SLC4A3: variants seen among roughly 807,000 people sequenced by gnomAD.
SLC4A3 encodes anion exchange protein 3.
Under a neutral mutation model 114.2 loss-of-function variants are expected in SLC4A3, and 47 were observed. That is an observed-to-expected ratio of 0.41 (90% CI 0.33 to 0.52). The LOEUF (loss-of-function observed/expected upper bound fraction) is 0.52. Ranked by LOEUF, SLC4A3 falls within the 20% of genes least tolerant of loss-of-function variation. The probability of loss-of-function intolerance (pLI) is 0.21; values close to 1 mark genes in which losing one functional copy is unlikely to be tolerated. For synonymous variants in SLC4A3, 693 were observed against 710.3 expected, an observed-to-expected ratio of 0.98 and a Z score of 0.39; for missense variants, 1,312 against 1,668.3, an observed-to-expected ratio of 0.79 and a Z score of 3.72.
Position 219,641,564 on chromosome 2 carries a change from G to C in SLC4A3, c.3622-87G>C, listed in dbSNP as rs1247178980. 2 of 1,059,938 alleles carry C rather than the reference G, an allele frequency of 1.9e-6. No homozygotes were observed. The highest frequency in any genetic ancestry group is 3.1e-5 in the African/African-American group (2 of 64,246). 65.7% of individuals were successfully genotyped at this position (1,059,938 alleles called of 1,614,324 possible). A position where few individuals can be genotyped will look rare whatever the true frequency, so the allele number is the denominator to read the frequency against. On this transcript the variant is annotated intron_variant, in intron 22 of 22. Coordinates refer to ENST00000358055, the MANE Select transcript of SLC4A3 (RefSeq NM_005070.4). This position sits in a 1 kb window ranked among gnomAD's most constrained non-coding sequence, Gnocchi z 4.0. Reference sequence around the variant, plus strand: ...GGCCCAGGAAAGGTCAGGGAGCAGGGAGGGCTGCAGGTTGGAGGAGGAGCT... The same window carrying C: ...GGCCCAGGAAAGGTCAGGGAGCAGGCAGGGCTGCAGGTTGGAGGAGGAGCT...
Position 219,636,800 on chromosome 2 carries a change from C to A in SLC4A3, c.2461C>A (p.Pro821Thr), listed in dbSNP as rs772144835. The A allele has an allele frequency of 1.2e-6, 2 of 1,614,114 alleles. No homozygotes were observed. Among genetic ancestry groups the A allele is most frequent in the Non-Finnish European group, 1.7e-6 (2 of 1,179,994 alleles). Residue 821 changes from proline to threonine, a missense_variant, in exon 16 of 23, where the codon CCT becomes ACT. This residue lies in a region of SLC4A3 where 771 missense variants were observed against 977.7 expected (regional missense o/e 0.79). Coordinates refer to ENST00000358055, the MANE Select transcript of SLC4A3 (RefSeq NM_005070.4). The surrounding 1 kb of genome is among the most constrained non-coding windows in gnomAD (Gnocchi z 5.5). ...CAGCTTCCTGGTCCGCTACATCTCG[C>A]CTTTCACCCAGGAGATCTTTGCCTT... Reference protein sequence around the residue: ...EGSFLVRYISPFTQEIFAFLI... With the variant: ...EGSFLVRYISTFTQEIFAFLI...
intron 7 of SLC4A3, 46 bp downstream of exon 7, chr2:219,632,162 G>A (rs763134145): frequency 2.0e-5 from 32 of 1,606,676 alleles, no homozygotes; most frequent in Non-Finnish European, 2.6e-5. Context: ...CATGCCCCTC[G>A]GCCCCGGAGC....
At chr2:219,635,201 C>A in intron 12 of SLC4A3, 70 bp from the exon 13 acceptor site, 2 of 1,263,090 alleles carry the variant, frequency 1.6e-6, no homozygotes, top group East Asian at 2.3e-5. Flanking sequence ...ACCCAACACC[C>A]GCCTCAAGTC....
Position 219,641,905 on chromosome 2 carries a change from C to T in SLC4A3, c.*177C>T. The T allele has an allele frequency of 1.7e-6, 1 of 591,322 alleles. No homozygotes were observed. The highest frequency in any genetic ancestry group is 2.1e-5 in the South Asian group (1 of 48,314). 36.6% of individuals were successfully genotyped at this position (591,322 alleles called of 1,614,324 possible). A position where few individuals can be genotyped will look rare whatever the true frequency, so the allele number is the denominator to read the frequency against. Reference sequence around the variant, plus strand: ...ACTTCTGCCCGGGGTGTTGACCTCGCCTCACCTTTCACAGACCAGACCGGC... The same window carrying T: ...ACTTCTGCCCGGGGTGTTGACCTCGTCTCACCTTTCACAGACCAGACCGGC... On this transcript the variant is annotated 3_prime_UTR_variant, in exon 23 of 23. Coordinates refer to ENST00000358055, the MANE Select transcript of SLC4A3 (RefSeq NM_005070.4). The surrounding 1 kb of genome is among the most constrained non-coding windows in gnomAD (Gnocchi z 4.0).
rs1699304966 is a variant in SLC4A3, at chr2:219,640,872, C to T, written c.3531C>T (p.Ala1177=). 3 of 1,612,090 alleles carry T rather than the reference C, an allele frequency of 1.9e-6. No individual in the cohort carries two copies. Among genetic ancestry groups the T allele is most frequent in the Admixed American group, 1.7e-5 (1 of 60,002 alleles). ...ALLWVVKSTA[A]SLAFPFLLLL... is the part of the protein sequence containing the mutation. ...TCTGGGTGGTCAAGTCCACGGCGGC[C>T]TCACTCGCCTTTCCCTTCCTGCTGC... The change falls in exon 22 of 23, where the codon GCC becomes GCT. Residue 1177 remains alanine, a synonymous_variant. Coordinates refer to ENST00000358055, the MANE Select transcript of SLC4A3 (RefSeq NM_005070.4).
In SLC4A3 at chr2:219,639,733, T is replaced by A; in HGVS notation, c.3275T>A (p.Val1092Glu). 6.2e-7 allele frequency: 1 copy of A among 1,605,034 alleles called. No individual in the cohort carries two copies. Among genetic ancestry groups the A allele is most frequent in the Non-Finnish European group, 8.5e-7 (1 of 1,178,946 alleles). ...RVTGVLIASL[V>E]GLSIVMGAVL... ...ACTGGTGTGCTCATCGCCAGCCTCG[T>A]GGGTGAGAGCCCGCCTCCACCCTGC... Residue 1092 changes from valine to glutamate, a missense_variant and splice_region_variant, in exon 20 of 23, where the codon GTG becomes GAG. Around this residue, in one of 4 missense-constraint regions of SLC4A3, gnomAD observed 301 missense variants for 460.7 expected, o/e 0.65. Coordinates refer to ENST00000358055, the MANE Select transcript of SLC4A3 (RefSeq NM_005070.4). The surrounding 1 kb of genome is among the most constrained non-coding windows in gnomAD (Gnocchi z 5.9).
In SLC4A3 at chr2:219,637,833, A is replaced by G; in HGVS notation, c.2766+22A>G. ...CAAGGTGCGTGGCTGCTGGGTGTGG[A>G]GCCCCCAAGAGTCCCACAATTCCTG... On this transcript the variant is annotated intron_variant, in intron 17 of 22. Coordinates refer to ENST00000358055, the MANE Select transcript of SLC4A3 (RefSeq NM_005070.4). The surrounding 1 kb of genome is among the most constrained non-coding windows in gnomAD (Gnocchi z 4.6). The G allele has an allele frequency of 6.4e-7, 1 of 1,553,428 alleles. No individual in the cohort carries two copies. Among genetic ancestry groups the G allele is most frequent in the South Asian group, 1.1e-5 (1 of 89,844 alleles).
At position 219,631,910 on chromosome 2, in the gene SLC4A3, C is replaced by T. The variant is rs1311061963; in HGVS notation, c.812-58C>T. On this transcript the variant is annotated intron_variant, in intron 6 of 22. Transcript: ENST00000358055. The surrounding 1 kb of genome is among the most constrained non-coding windows in gnomAD (Gnocchi z 6.3). ...ATGGGTTGGGCAGAAGGAGCTGGGC[C>T]GTGACCCCGAGGGCCCCAGCTGGAC... 2.8e-5 allele frequency: 43 copies of T among 1,525,144 alleles called. No homozygotes were observed. The highest frequency in any genetic ancestry group is 3.3e-5 in the Non-Finnish European group (38 of 1,137,100). The allele number at this position is 1,525,144 out of a possible 1,614,324, so 94.5% of individuals were successfully genotyped here.
chr2:219,638,360 CT>C lies in SLC4A3; in HGVS notation c.2856+110del. Reference sequence around the variant, plus strand: ...GGATTGGGATCAGGCCTGAACTCAACTTTCCCAGTGGAGTGGCCGCCCTGGG... The same window carrying C: ...GGATTGGGATCAGGCCTGAACTCAACTTCCCAGTGGAGTGGCCGCCCTGGG... On this transcript the variant is annotated intron_variant, in intron 18 of 22. Coordinates refer to ENST00000358055, the MANE Select transcript of SLC4A3 (RefSeq NM_005070.4). This position sits in a 1 kb window ranked among gnomAD's most constrained non-coding sequence, Gnocchi z 7.5. 1 of 956,140 alleles carries C rather than the reference CT, an allele frequency of 1.0e-6. No individual in the cohort carries two copies. 59.2% of individuals were successfully genotyped at this position (956,140 alleles called of 1,614,324 possible).
Position 219,630,215 on chromosome 2 carries a change from C to A in SLC4A3, c.674C>A (p.Pro225Gln). 1 of 1,610,164 alleles carries A rather than the reference C, an allele frequency of 6.2e-7. No individual in the cohort carries two copies. Among genetic ancestry groups the A allele is most frequent in the South Asian group, 1.1e-5 (1 of 91,060 alleles). Residue 225 changes from proline (P) to glutamine (Q), a missense_variant, in exon 6 of 23, where the codon CCA becomes CAA. Around this residue, in one of 4 missense-constraint regions of SLC4A3, gnomAD observed 771 missense variants for 977.7 expected, o/e 0.79. Coordinates refer to ENST00000358055, the MANE Select transcript of SLC4A3 (RefSeq NM_005070.4). The surrounding 1 kb of genome is among the most constrained non-coding windows in gnomAD (Gnocchi z 6.9). ...LAGEKSRPWSPSASYDLRERL... is the reference protein window; with the variant it reads ...LAGEKSRPWSQSASYDLRERL... ...GGGGAGAAAAGCCGGCCCTGGAGCC[C>A]ATCGGCCAGTTATGACCTGCGGGAG...
At chr2:219,629,003 C>A in intron 3 of SLC4A3, 141 bp from the exon 4 acceptor site, 1 of 996,002 alleles carries the variant, frequency 1.0e-6, no homozygotes, top group Non-Finnish European at 1.4e-6. Flanking sequence ...CACGTGGACA[C>A]AGGTGTTGGG....
In SLC4A3 at chr2:219,641,606, C is replaced by T. The variant is rs749920022; in HGVS notation, c.3622-45C>T. 19 of 1,484,612 alleles carry T rather than the reference C, an allele frequency of 1.3e-5. No homozygotes were observed. The highest frequency in any genetic ancestry group is 6.8e-5 in the South Asian group (6 of 87,892). The allele number at this position is 1,484,612 out of a possible 1,614,324, so 92.0% of individuals were successfully genotyped here. A position where few individuals can be genotyped will look rare whatever the true frequency, so the allele number is the denominator to read the frequency against. On this transcript the variant is annotated intron_variant, in intron 22 of 22. Transcript: ENST00000358055. The surrounding 1 kb of genome is among the most constrained non-coding windows in gnomAD (Gnocchi z 4.0). ...GGAGGAGCTGGAGAATGGGAGGGGACGAGCATGCTTCCCTGCCTTCCCCAA... is the reference window on the plus strand; with the variant it reads ...GGAGGAGCTGGAGAATGGGAGGGGATGAGCATGCTTCCCTGCCTTCCCCAA...
chr2:219,629,058 C>G, intron 3 of SLC4A3, 86 bp from the exon 4 acceptor site: 1 of 1,456,402 alleles, frequency 6.9e-7, no homozygotes, highest in Non-Finnish European at 9.1e-7. Context: ...TTGTTTGCGG[C>G]CTTGAGCTGG....
chr2:219,630,963 G>A lies in SLC4A3; in HGVS notation c.811+611G>A, dbSNP rs556167721. 7.8e-5 allele frequency: 17 copies of A among 217,444 alleles called. No individual in the cohort carries two copies. The South Asian group carries it at 2.0e-3, about 25-fold the overall frequency. The allele number at this position is 217,444 out of a possible 1,614,324, so 13.5% of individuals were successfully genotyped here. ...AAGGGTAGGGCTTTGAGCTCAATAC[G>A]TCATGGAAAGTTGCCAGGGCCTGAG... On this transcript the variant is annotated intron_variant, in intron 6 of 22. Transcript: ENST00000358055. The surrounding 1 kb of genome is among the most constrained non-coding windows in gnomAD (Gnocchi z 6.9).
rs115885893 is a variant in SLC4A3, at chr2:219,632,960, C to A, written c.1228C>A (p.Arg410=). 277 of 1,614,042 alleles carry A rather than the reference C, an allele frequency of 1.7e-4. 1 individual carries two copies. The African/African-American group carries it at 3.3e-3, about 19-fold the overall frequency. Residue 410 remains arginine (R), a synonymous_variant, in exon 9 of 23, where the codon CGG becomes AGG. Transcript: ENST00000358055. ...GACCATGATTGTGTCTGACCAGATCCGGCCGGAGGACAGGGCCAGCGTCCT... is the reference window on the plus strand; with the variant it reads ...GACCATGATTGTGTCTGACCAGATCAGGCCGGAGGACAGGGCCAGCGTCCT... ...VETMIVSDQI[R]PEDRASVLRT...
Position 219,634,526 on chromosome 2 carries a change from C to T in SLC4A3, c.1668C>T (p.Phe556=), listed in dbSNP as rs374095967. The change falls in exon 12 of 23, where the codon TTC becomes TTT. Residue 556 remains phenylalanine, a synonymous_variant. Coordinates refer to ENST00000358055, the MANE Select transcript of SLC4A3 (RefSeq NM_005070.4). ...TCCCTGTCCCGGTCCGCTTCCTCTTCGTGATGCTGGGGCCCAGCCACACCA... is the reference window on the plus strand; with the variant it reads ...TCCCTGTCCCGGTCCGCTTCCTCTTTGTGATGCTGGGGCCCAGCCACACCA... ...LEVPVPVRFL[F]VMLGPSHTST... 2.7e-5 allele frequency: 43 copies of T among 1,614,110 alleles called. No individual in the cohort carries two copies. Among genetic ancestry groups the T allele is most frequent in the Non-Finnish European group, 3.5e-5 (41 of 1,180,056 alleles).
In SLC4A3 at chr2:219,640,230, C is replaced by T. The variant is rs960761171; in HGVS notation, c.3278-200C>T. The stretch of plus-strand genomic sequence containing the variant: ...AGGCGTGAGCCAATGTGTCTGCCCC[C>T]CCCCCCGCCCCTCCTTCTCTTGTTC... On this transcript the variant is annotated intron_variant, in intron 20 of 22. Transcript: ENST00000358055. 3.9e-4 allele frequency among the ~76,000 whole-genome samples: 47 copies of T among 120,162 alleles called. 1 individual carries two copies. Among genetic ancestry groups the T allele is most frequent in the African/African-American group, 1.2e-3 (39 of 33,254 alleles). The allele number at this position is 120,162 out of a possible 152,430, so 78.8% of individuals were successfully genotyped here. A position where few individuals can be genotyped will look rare whatever the true frequency, so the allele number is the denominator to read the frequency against.
In SLC4A3 at chr2:219,634,462, G is replaced by T. The variant is rs34807189; in HGVS notation, c.1604G>T (p.Arg535Leu). Residue 535 changes from arginine to leucine, a missense_variant, in exon 12 of 23, where the codon CGT (arginine) becomes CTT (leucine). By Grantham distance (102) the Arg-to-Leu change is moderately radical (BLOSUM62 -2). Transcript: ENST00000358055. ...GAGCAGCCTGCAGCAGCCTTCGTGCGTCTGAATGAGGCTGTACTCCTGGAG... is the reference window on the plus strand; with the variant it reads ...GAGCAGCCTGCAGCAGCCTTCGTGCTTCTGAATGAGGCTGTACTCCTGGAG... Reference protein sequence around the residue: ...FLEQPAAAFVRLNEAVLLESV... With the variant: ...FLEQPAAAFVLLNEAVLLESV... 10 of 1,614,046 alleles carry T rather than the reference G, an allele frequency of 6.2e-6. No homozygotes were observed. The highest frequency in any genetic ancestry group is 1.7e-6 in the Non-Finnish European group (2 of 1,180,036).
In SLC4A3 at chr2:219,633,025, C is replaced by T; in HGVS notation, c.1277+16C>T. The T allele has an allele frequency of 6.2e-7, 1 of 1,613,448 alleles. No homozygotes were observed. On this transcript the variant is annotated intron_variant, in intron 9 of 22. Transcript: ENST00000358055. ...TGAAGCACAGGTGCCGGGGTGGGTC[C>T]CTGGGAGGGGCCTGTCCAGCTCAGC...
Sources: allele counts gnomAD v4.1 joint callset (sites outside exome capture counted in the v4.1 genomes callset), GRCh38; gene constraint gnomAD v4.1.1; regional missense constraint gnomAD v4.1.1; non-coding constraint Gnocchi (gnomAD v3.1); transcripts MANE v1.5; gene names NCBI Gene and HGNC (gene_info 2026-07-23, HGNC 2026-07-21).